The following NELL1 variants were observed in gnomAD, a reference collection of about 807,000 sequenced individuals.
The protein encoded by NELL1 is protein kinase C-binding protein NELL1.
A neutral mutation model predicts 107.4 loss-of-function variants in NELL1; 76 were observed. That is an observed-to-expected ratio of 0.71 (90% CI 0.59 to 0.86). The LOEUF (loss-of-function observed/expected upper bound fraction) is 0.86. Among genes scored for constraint, NELL1 ranks in the 40% least tolerant of loss-of-function variants. The pLI, the probability that NELL1 is intolerant of heterozygous loss-of-function variation, is 0.00. For missense variants in NELL1, 1,024 were observed against 1,005.5 expected (o/e 1.02, Z -0.25); for synonymous variants, 353 against 341.2 (o/e 1.03, Z -0.38).
intron 14 of NELL1, among the ~76,000 whole-genome samples, chr11:21,240,859 G>A (rs1366079674): frequency 1.3e-5 from 2 of 151,816 alleles, no homozygotes; most frequent in Non-Finnish European, 2.9e-5. Flanking sequence ...TTGCAGCCCA[G>A]TAGACAGTAA....
chr11:20,778,402 G>A (rs1856788313), intron 2 of NELL1, among the ~76,000 whole-genome samples: 1 of 151,762 alleles, frequency 6.6e-6, no homozygotes, highest in Admixed American at 6.6e-5. Context: ...CATCAGGGAA[G>A]AGGGAAATGA....
chr11:21,437,613 C>T (rs1027413462), intron 15 of NELL1, among the ~76,000 whole-genome samples: 1 of 152,206 alleles, frequency 6.6e-6, no homozygotes, highest in African/African-American at 2.4e-5. Flanking sequence ...CTCACCTTGG[C>T]CTCCCAAAAT....
At chr11:20,982,790 A>G (rs1466198817) in intron 12 of NELL1, among the ~76,000 whole-genome samples, 1 of 152,232 alleles carries the variant, frequency 6.6e-6, no homozygotes, top group Non-Finnish European at 1.5e-5. Flanking sequence ...AATGTGATTT[A>G]CAGTTTCTAA....
chr11:21,199,644 T>C (rs1345618872), intron 13 of NELL1, among the ~76,000 whole-genome samples: 1 of 152,042 alleles, frequency 6.6e-6, no homozygotes, highest in Admixed American at 6.6e-5. Flanking sequence ...TTGAAAACCA[T>C]ATTTTTCTTT....
chr11:20,981,751 C>T (rs1400483689), intron 12 of NELL1, among the ~76,000 whole-genome samples: 3 of 152,014 alleles, frequency 2.0e-5, no homozygotes, highest in Admixed American at 6.6e-5. Flanking sequence ...ATAAGGAACT[C>T]GTGTTGGTAT....
chr11:21,317,493 A>G (rs558053920), intron 14 of NELL1, among the ~76,000 whole-genome samples: 44 of 5,470 alleles, frequency 8.0e-3, no homozygotes, highest in African/African-American at 0.031. Flanking sequence ...TCTGCCTTAC[A>G]TATTTTATCT....
intron 15 of NELL1, among the ~76,000 whole-genome samples, chr11:21,501,958 TTCTGTC>T (rs978459512): frequency 2.6e-5 from 4 of 152,204 alleles, no homozygotes; most frequent in Non-Finnish European, 5.9e-5. Context: ...TCATCTATAC[TTCTGTC>T]TCTGTCTTTG....
intron 14 of NELL1, chr11:21,260,682 A>G (rs994279613): frequency 1.3e-5 from 2 of 151,904 alleles, no homozygotes; most frequent in African/African-American, 4.8e-5. Flanking sequence ...GAGAGTCTTC[A>G]TCCACAGGAG....
intron 14 of NELL1, among the ~76,000 whole-genome samples, chr11:21,320,273 T>C (rs1590833917): frequency 6.6e-6 from 1 of 152,178 alleles, no homozygotes; most frequent in East Asian, 1.9e-4. Context: ...TAATAATTAT[T>C]TTTGTTTTTC....
At chr11:21,352,040 T>A (rs1850829387) in intron 14 of NELL1, among the ~76,000 whole-genome samples, 1 of 152,128 alleles carries the variant, frequency 6.6e-6, no homozygotes, top group South Asian at 2.1e-4. Flanking sequence ...CTAAGTATGG[T>A]CCTCCATGAA....
intron 2 of NELL1, among the ~76,000 whole-genome samples, chr11:20,757,978 C>G (rs981028672): frequency 7.2e-5 from 11 of 152,160 alleles, no homozygotes; most frequent in African/African-American, 2.7e-4. Flanking sequence ...GAACCTTCCC[C>G]CTGGTTTGCA....
chr11:21,155,282 C>G (rs1856206988), intron 13 of NELL1, among the ~76,000 whole-genome samples: 1 of 152,034 alleles, frequency 6.6e-6, no homozygotes, highest in African/African-American at 2.4e-5. Flanking sequence ...TGGGTCCAAA[C>G]TTTAGAAACC....
chr11:21,050,996 A>G (rs1452200753), intron 12 of NELL1, among the ~76,000 whole-genome samples: 3 of 152,050 alleles, frequency 2.0e-5, no homozygotes, highest in Non-Finnish European at 4.4e-5. Context: ...CACCTTTCTC[A>G]CTTCCTGGAC....
chr11:20,900,560 T>C (rs1849850656), intron 5 of NELL1, among the ~76,000 whole-genome samples: 1 of 152,004 alleles, frequency 6.6e-6, no homozygotes. Context: ...AATTCCAATC[T>C]TAAATAAACT....
rs371090414 is a variant in NELL1, at chr11:21,272,565, C to T, written c.1549+43111C>T. Reference sequence around the variant, plus strand: ...GCCTTGAAGAGAGTAGTGGTTCTCCCAGCACGCAGCTGGACATCTGAGAAT... The same window carrying T: ...GCCTTGAAGAGAGTAGTGGTTCTCCTAGCACGCAGCTGGACATCTGAGAAT... On this transcript the variant is annotated intron_variant, in intron 14 of 19. Transcript: ENST00000357134. Among the ~76,000 whole-genome samples the T allele has an allele frequency of 2.6e-5, 4 of 152,184 alleles. No homozygotes were observed. The South Asian group carries it at 6.2e-4, about 24-fold the overall frequency.
intron 10 of NELL1, among the ~76,000 whole-genome samples, chr11:20,939,799 G>C (rs547463605): frequency 6.6e-6 from 1 of 152,178 alleles, no homozygotes; most frequent in Non-Finnish European, 1.5e-5. Context: ...GAACATTCAG[G>C]AGGAGGAACA....
intron 15 of NELL1, among the ~76,000 whole-genome samples, chr11:21,437,448 C>T (rs1228037111): frequency 1.3e-5 from 2 of 152,206 alleles, no homozygotes; most frequent in Admixed American, 1.3e-4. Context: ...CAACCTCCGC[C>T]TCCTGGGTTC....
Position 21,459,128 on chromosome 11 carries a change from A to G in NELL1, c.1646-75246A>G, listed in dbSNP as rs544935164. Among the ~76,000 whole-genome samples the G allele has an allele frequency of 2.6e-5, 4 of 152,144 alleles. No individual in the cohort carries two copies. The East Asian group carries it at 7.7e-4, about 29-fold the overall frequency. ...AGAGAGGAGTGGAGCAACATTGGGA[A>G]GGAGGGACTTAAAATGTATAGGGTA... is the stretch of plus-strand genomic sequence containing the variant. On this transcript the variant is annotated intron_variant, in intron 15 of 19. Transcript: ENST00000357134.
rs75330720 is a variant in NELL1, at chr11:20,679,342, A to G, written c.184+1282A>G. ...GCAGCCTGGATATTCCTCTACGAAA[A>G]TGTCTGGCAGGGTTCTTTTAACTCA... On this transcript the variant is annotated intron_variant, in intron 2 of 19. Coordinates refer to ENST00000357134, the MANE Select transcript of NELL1 (RefSeq NM_006157.5). Among the ~76,000 whole-genome samples the G allele has an allele frequency of 3.3e-5, 5 of 152,328 alleles. No individual in the cohort carries two copies. In the East Asian group the frequency reaches 9.6e-4, roughly 29 times the overall value.
Sources: allele counts gnomAD v4.1 joint callset (sites outside exome capture counted in the v4.1 genomes callset), GRCh38; gene constraint gnomAD v4.1.1; transcripts MANE v1.5; gene names NCBI Gene and HGNC (gene_info 2026-07-23, HGNC 2026-07-21).